Variants in CSMD1 observed in about 807,000 individuals in gnomAD.
The protein encoded by CSMD1 is CUB and sushi domain-containing protein 1.
In CSMD1, 213 loss-of-function variants were observed where a neutral mutation model predicts 417.5. The ratio of observed to expected loss-of-function variants is 0.51; its 90% CI spans 0.46 to 0.57. The LOEUF (loss-of-function observed/expected upper bound fraction) is 0.57. CSMD1 is among the 20% of genes least tolerant of loss of function. CSMD1 has a pLI of 0.00. For synonymous variants in CSMD1, 2,862 were observed against 1,736.8 expected (o/e 1.65, Z -16.11); for missense variants, 6,923 against 4,529.7 (o/e 1.53, Z -15.17).
At chr8:3,384,727 A>T (rs1810872769) in intron 18 of CSMD1, among the ~76,000 whole-genome samples, 1 of 121,754 alleles carries the variant, frequency 8.2e-6, no homozygotes, top group African/African-American at 3.2e-5. Flanking sequence ...TATAATATTT[A>T]TATATATTAT....
In CSMD1 at chr8:3,195,611, C is replaced by T. The variant is rs571664070; in HGVS notation, c.5194+4103G>A. Among the ~76,000 whole-genome samples the T allele has an allele frequency of 3.9e-5, 6 of 152,244 alleles. No homozygotes were observed. The East Asian group carries it at 7.8e-4, about 20-fold the overall frequency. On this transcript the variant is annotated intron_variant, in intron 33 of 69. Transcript: ENST00000635120. ...AAAGATCCCTAAACCTGTATAACCA[C>T]GGCCAGTAATGCAGGTCCTGCCAGT...
intron 5 of CSMD1, among the ~76,000 whole-genome samples, chr8:3,869,856 T>C (rs1805361968): frequency 6.6e-6 from 1 of 151,896 alleles, no homozygotes; most frequent in South Asian, 2.1e-4. Flanking sequence ...CTTTTATGAA[T>C]TATCCTTACT....
chr8:3,667,569 T>G (rs955512974), intron 7 of CSMD1, among the ~76,000 whole-genome samples: 4 of 152,106 alleles, frequency 2.6e-5, no homozygotes, highest in African/African-American at 7.2e-5. Context: ...GAGAAAGTCC[T>G]TGGAGACAAC....
intron 2 of CSMD1, among the ~76,000 whole-genome samples, chr8:4,595,134 G>A (rs910057865): frequency 2.0e-5 from 3 of 151,970 alleles, no homozygotes; most frequent in Admixed American, 6.6e-5. Flanking sequence ...GGAATTCTGA[G>A]CATCCTCATT....
chr8:4,819,360 G>C (rs1055224412), intron 1 of CSMD1, among the ~76,000 whole-genome samples: 11 of 152,032 alleles, frequency 7.2e-5, no homozygotes, highest in Non-Finnish European at 4.4e-5. Flanking sequence ...CCATTTACTT[G>C]ACATGGAAAT....
intron 23 of CSMD1, among the ~76,000 whole-genome samples, chr8:3,315,927 C>T (rs1215158590): frequency 6.6e-6 from 1 of 152,150 alleles, no homozygotes; most frequent in Non-Finnish European, 1.5e-5. Context: ...GCTGGTTGTA[C>T]TTTGATCTTG....
chr8:3,961,693 G>C (rs780543018), intron 5 of CSMD1, among the ~76,000 whole-genome samples: 1 of 152,094 alleles, frequency 6.6e-6, no homozygotes, highest in Non-Finnish European at 1.5e-5. Flanking sequence ...CTTCAAAAAA[G>C]AAAAAGATTG....
chr8:4,093,016 G>T (rs1185831464), intron 3 of CSMD1, among the ~76,000 whole-genome samples: 1 of 152,088 alleles, frequency 6.6e-6, no homozygotes, highest in Non-Finnish European at 1.5e-5. Context: ...ACTGAGGAAT[G>T]CTGTGAACAT....
chr8:4,608,262 G>A (rs777097504), intron 2 of CSMD1, among the ~76,000 whole-genome samples: 1 of 152,202 alleles, frequency 6.6e-6, no homozygotes, highest in Admixed American at 6.5e-5. Flanking sequence ...GATTTCAGTG[G>A]TAAAAGTCTG....
chr8:4,692,721 T>A (rs190606589), intron 1 of CSMD1, among the ~76,000 whole-genome samples: 1 of 152,196 alleles, frequency 6.6e-6, no homozygotes, highest in Non-Finnish European at 1.5e-5. Context: ...AACCCCCCGA[T>A]AACGTGCAAA....
chr8:4,836,771 T>C (rs970442518), intron 1 of CSMD1, among the ~76,000 whole-genome samples: 1 of 152,086 alleles, frequency 6.6e-6, no homozygotes, highest in African/African-American at 2.4e-5. Flanking sequence ...CACAGGAGTC[T>C]TGACTCCTGT....
intron 7 of CSMD1, among the ~76,000 whole-genome samples, chr8:3,661,080 T>G (rs1029825822): frequency 6.6e-6 from 1 of 152,132 alleles, no homozygotes; most frequent in Non-Finnish European, 1.5e-5. Flanking sequence ...AGAAAACAAA[T>G]GCTAGGATAC....
chr8:4,368,797 T>A (rs187503817), intron 3 of CSMD1, among the ~76,000 whole-genome samples: 7 of 152,284 alleles, frequency 4.6e-5, no homozygotes, highest in African/African-American at 1.7e-4. Flanking sequence ...TTCTGTTGGA[T>A]AGGTTGTAAT....
intron 21 of CSMD1, among the ~76,000 whole-genome samples, chr8:3,353,715 TAA>T (rs1308029894): frequency 2.0e-5 from 3 of 152,104 alleles, no homozygotes; most frequent in African/African-American, 4.8e-5. Context: ...TGTTTCATTT[TAA>T]AAAAGTTTTT....
At chr8:3,865,861 A>G (rs1465150640) in intron 5 of CSMD1, among the ~76,000 whole-genome samples, 1 of 152,194 alleles carries the variant, frequency 6.6e-6, no homozygotes, top group Non-Finnish European at 1.5e-5. Context: ...AACACGTGTT[A>G]TAGTATACTA....
intron 41 of CSMD1, among the ~76,000 whole-genome samples, chr8:3,121,088 C>T: frequency 7.4e-6 from 1 of 135,230 alleles, no homozygotes; most frequent in East Asian, 2.6e-4. Context: ...ATCCAAACAA[C>T]AACAAAAAAA....
intron 1 of CSMD1, among the ~76,000 whole-genome samples, chr8:4,793,881 G>C (rs753386711): frequency 1.3e-5 from 2 of 149,014 alleles, no homozygotes; most frequent in Non-Finnish European, 3.0e-5. Flanking sequence ...TTGTTAATAA[G>C]AATGATCAGG....
intron 1 of CSMD1, among the ~76,000 whole-genome samples, chr8:4,724,785 G>A (rs1375426302): frequency 6.6e-6 from 1 of 152,002 alleles, no homozygotes; most frequent in Non-Finnish European, 1.5e-5. Flanking sequence ...ATACAGCATA[G>A]CCTTGTAGTA....
intron 1 of CSMD1, among the ~76,000 whole-genome samples, chr8:4,648,845 G>A (rs1803703118): frequency 6.6e-6 from 1 of 152,070 alleles, no homozygotes; most frequent in South Asian, 2.1e-4. Flanking sequence ...TAGTTGGTCG[G>A]GAAGTATGCA....
Sources: gnomAD v4.1 joint callset for allele counts (sites outside exome capture counted in the v4.1 genomes callset) on GRCh38, gnomAD v4.1.1 for gene constraint, MANE v1.5 for transcripts, NCBI Gene and HGNC (gene_info 2026-07-23, HGNC 2026-07-21) for gene names.